CES5A: variants seen among roughly 807,000 people sequenced by gnomAD.
CES5A encodes the protein carboxylesterase 5A, also known as carboxylesterase 5.
In CES5A, 67 loss-of-function variants were observed where a neutral mutation model predicts 62.9. The ratio of observed to expected loss-of-function variants is 1.07; its 90% CI spans 0.88 to 1.31. The LOEUF (loss-of-function observed/expected upper bound fraction) is 1.31, where lower values mean the gene tolerates loss of function less well. Among genes scored for constraint, CES5A ranks in the 50% most tolerant of loss-of-function variants. The pLI is 0.00. For synonymous variants in CES5A, 296 were observed against 280.8 expected (o/e 1.05, Z -0.54); for missense variants, 748 against 708.5 (o/e 1.06, Z -0.63).
Position 55,873,849 on chromosome 16 carries a change from T to C in CES5A, c.262A>G (p.Thr88Ala). 1 of 1,612,750 alleles carries C rather than the reference T, an allele frequency of 6.2e-7. No homozygotes were observed. The highest frequency in any genetic ancestry group is 1.1e-5 in the South Asian group (1 of 90,644). ...TGGTCTTACAAATTAGGGTAGGAGG[T>C]GGCTTCTCGCAAGTTATCCCAGGGC... is the stretch of plus-strand genomic sequence containing the variant. ...ASPWDNLREATSYPNLCLQNS... is the reference protein window; with the variant it reads ...ASPWDNLREAASYPNLCLQNS... The change falls in exon 2 of 13, where the codon ACC (threonine) becomes GCC (alanine). Residue 88 changes from threonine (T) to alanine (A), a missense_variant. Thr to Ala is a moderately conservative substitution (Grantham distance 58). Coordinates refer to ENST00000290567, the MANE Select transcript of CES5A (RefSeq NM_001143685.2).
intron 10 of CES5A, 89 bp from the exon 11 acceptor site, chr16:55,849,862 T>C (rs948403403): frequency 2.8e-6 from 4 of 1,423,978 alleles, no homozygotes; most frequent in Non-Finnish European, 3.8e-6. Flanking sequence ...CTTGGATGTA[T>C]AGACCCAGGG....
rs745909516 is a variant in CES5A, at chr16:55,874,002, G to A, written c.109C>T (p.Leu37=). The A allele has an allele frequency of 8.7e-6, 14 of 1,610,186 alleles. No homozygotes were observed. In the East Asian group the frequency reaches 2.7e-4, roughly 31 times the overall value. ...SAEGPQRNTR[L]GWIQGKQVTV... is the part of the protein sequence containing the mutation. Reference sequence around the variant, plus strand: ...ACTTGCTTGCCCTGAATCCATCCCAGCCTGGTGTTCCTCTGTGGCCCTTCA... The same window carrying A: ...ACTTGCTTGCCCTGAATCCATCCCAACCTGGTGTTCCTCTGTGGCCCTTCA... Residue 37 remains leucine (L), a synonymous_variant, in exon 2 of 13, where the codon CTG becomes TTG. Transcript: ENST00000290567.
intron 2 of CES5A, among the ~76,000 whole-genome samples, chr16:55,931,315 C>T (rs1466211205): frequency 6.6e-6 from 1 of 152,184 alleles, no homozygotes; most frequent in Non-Finnish European, 1.5e-5. Context: ...ATCTATGCAG[C>T]CAATGAGGAA....
At chr16:55,905,552 A>G (rs1219988839) in intron 1 of CES5A, among the ~76,000 whole-genome samples, 3 of 151,844 alleles carry the variant, frequency 2.0e-5, no homozygotes, top group Non-Finnish European at 4.4e-5. Context: ...TTTTTAGGAG[A>G]AATGGGGTTT....
intron 1 of CES5A, among the ~76,000 whole-genome samples, chr16:55,911,934 T>G (rs1454240704): frequency 6.6e-6 from 1 of 152,176 alleles, no homozygotes; most frequent in Non-Finnish European, 1.5e-5. Context: ...TTGGTCTAGT[T>G]GAATTCAGAG....
At chr16:55,882,075 TTA>T (rs2033767286) in intron 1 of CES5A, among the ~76,000 whole-genome samples, 1 of 152,152 alleles carries the variant, frequency 6.6e-6, no homozygotes, top group African/African-American at 2.4e-5. Flanking sequence ...GATTAGAAGT[TTA>T]TGTCGGCCAT....
In CES5A at chr16:55,916,824, C is replaced by G. The variant is rs2034152419; in HGVS notation, c.-256+8499G>C. Among the ~76,000 whole-genome samples the G allele has an allele frequency of 3.3e-5, 5 of 152,324 alleles. No individual in the cohort carries two copies. The South Asian group carries it at 1.0e-3, about 32-fold the overall frequency. The stretch of plus-strand genomic sequence containing the variant: ...TTCCCTGCTCCCTGCTTTCCCCAGT[C>G]CTCTCCAACAGGCCTTCTCTTCCAC... On this transcript the variant is annotated intron_variant, in intron 1 of 12. Transcript: ENST00000518005.
At chr16:55,918,338 C>T (rs2034168366) in intron 1 of CES5A, among the ~76,000 whole-genome samples, 1 of 152,088 alleles carries the variant, frequency 6.6e-6, no homozygotes, top group Non-Finnish European at 1.5e-5. Flanking sequence ...TGAATATGTC[C>T]AACTACTGTT....
chr16:55,891,352 TC>T (rs376027865), intron 1 of CES5A, among the ~76,000 whole-genome samples: 26 of 151,866 alleles, frequency 1.7e-4, no homozygotes, highest in African/African-American at 5.6e-4. Context: ...AGAAAGAAAA[TC>T]TTACATTCGA....
chr16:55,862,094 G>C (rs1360356313), intron 6 of CES5A, among the ~76,000 whole-genome samples: 1 of 152,048 alleles, frequency 6.6e-6, no homozygotes, highest in Non-Finnish European at 1.5e-5. Context: ...CCTCCACGAT[G>C]TCCTTTCAGG....
rs781000389 is a variant in CES5A at position 55,931,574 on chromosome 16, C to A, written c.160+18211G>T. Among the ~76,000 whole-genome samples, 3 of 152,164 alleles carry A rather than the reference C, an allele frequency of 2.0e-5. No individual in the cohort carries two copies. In the East Asian group the frequency reaches 5.8e-4, roughly 29 times the overall value. The stretch of plus-strand genomic sequence containing the variant: ...GCAGTCATTCTGGACTGGCCTTAAC[C>A]CTATTCTCACCCCTCTGATCCTTTA... On this transcript the variant is annotated intron_variant, in intron 2 of 13. Transcript: ENST00000521992.
chr16:55,865,353 A>T (rs1404860397), intron 5 of CES5A, among the ~76,000 whole-genome samples: 7 of 152,242 alleles, frequency 4.6e-5, no homozygotes, highest in Admixed American at 1.3e-4. Context: ...ACAAGAAAGG[A>T]GTAAAATATT....
intron 2 of CES5A, among the ~76,000 whole-genome samples, chr16:55,935,910 A>G (rs1193183991): frequency 6.6e-6 from 1 of 152,218 alleles, no homozygotes; most frequent in Non-Finnish European, 1.5e-5. Context: ...AAGAAATAGA[A>G]GTTAATAAAC....
chr16:55,895,284 A>G (rs2033920562), intron 1 of CES5A, among the ~76,000 whole-genome samples: 1 of 152,254 alleles, frequency 6.6e-6, no homozygotes. Flanking sequence ...TTAAATGTCC[A>G]CAATAACAAA....
At chr16:55,882,293 G>A (rs192468560) in intron 1 of CES5A, among the ~76,000 whole-genome samples, 61 of 152,278 alleles carry the variant, frequency 4.0e-4, no homozygotes, top group African/African-American at 1.4e-3. Context: ...TGGATGCATG[G>A]TCACTTGGTG....
chr16:55,880,947 T>C (rs2033755173), intron 1 of CES5A, among the ~76,000 whole-genome samples: 1 of 152,220 alleles, frequency 6.6e-6, no homozygotes, highest in South Asian at 2.1e-4. Context: ...TCTGAGACTA[T>C]AGGAGTAAAG....
intron 2 of CES5A, among the ~76,000 whole-genome samples, chr16:55,947,478 T>C (rs1236243580): frequency 6.6e-6 from 1 of 152,124 alleles, no homozygotes; most frequent in Non-Finnish European, 1.5e-5. Flanking sequence ...GTTCTGGATG[T>C]TAGGAATAAA....
intron 2 of CES5A, chr16:55,944,313 T>C (rs2034472515): frequency 1.7e-6 from 1 of 580,246 alleles, no homozygotes; most frequent in Non-Finnish European, 3.1e-6. Context: ...GAAGATCTAA[T>C]GAAGTAAAAG....
intron 11 of CES5A, among the ~76,000 whole-genome samples, chr16:55,848,975 C>T (rs2033074267): frequency 6.6e-6 from 1 of 152,172 alleles, no homozygotes; most frequent in South Asian, 2.1e-4. Flanking sequence ...ATGGAACGTT[C>T]TGTCCTCTTT....
Sources: gnomAD v4.1 joint callset for allele counts (sites outside exome capture counted in the v4.1 genomes callset) on GRCh38, gnomAD v4.1.1 for gene constraint, MANE v1.5 for transcripts, NCBI Gene and HGNC (gene_info 2026-07-23, HGNC 2026-07-21) for gene names.